Variants in HTR1E observed in about 807,000 individuals in gnomAD.
HTR1E encodes the protein 5-hydroxytryptamine receptor 1E.
HTR1E carries 3 observed loss-of-function variants against 3.4 expected under a neutral mutation model. The ratio of observed to expected loss-of-function variants is 0.89; its 90% CI spans 0.41 to 2.31. The LOEUF is 2.31. Among genes scored for constraint, HTR1E ranks in the 30% most tolerant of loss-of-function variants. The pLI, the probability that HTR1E is intolerant of heterozygous loss-of-function variation, is 0.05. For synonymous variants in HTR1E, 170 were observed against 182.8 expected (o/e 0.93, Z 0.56); for missense variants, 392 against 467.0 (o/e 0.84, Z 1.48).
At chr6:86,994,035 C>T (rs1019742794) in intron 1 of HTR1E, among the ~76,000 whole-genome samples, 3 of 151,902 alleles carry the variant, frequency 2.0e-5, no homozygotes, top group African/African-American at 7.3e-5. Flanking sequence ...GCATGGAAAA[C>T]AGAGGAAAAG....
intron 1 of HTR1E, among the ~76,000 whole-genome samples, chr6:87,008,031 A>G (rs576004674): frequency 2.6e-5 from 4 of 152,236 alleles, no homozygotes; most frequent in Non-Finnish European, 4.4e-5. Context: ...ACATTGTGAC[A>G]ACAAAAGACT....
chr6:87,001,009 C>T (rs752384707), intron 1 of HTR1E, among the ~76,000 whole-genome samples: 2 of 152,074 alleles, frequency 1.3e-5, no homozygotes, highest in Admixed American at 6.6e-5. Flanking sequence ...ATAAAGCTAA[C>T]GTGTAGCATT....
At chr6:86,945,084 T>C (rs753338014) in intron 1 of HTR1E, among the ~76,000 whole-genome samples, 2 of 151,958 alleles carry the variant, frequency 1.3e-5, no homozygotes, top group Non-Finnish European at 2.9e-5. Flanking sequence ...TCAGAAGGTA[T>C]CCCAGAAAAC....
intron 1 of HTR1E, among the ~76,000 whole-genome samples, chr6:86,996,611 G>A (rs1197641346): frequency 6.6e-6 from 1 of 151,786 alleles, no homozygotes; most frequent in Non-Finnish European, 1.5e-5. Context: ...AGAGATAAGA[G>A]AATACTAAGG....
At chr6:87,005,177 G>A (rs1235827873) in intron 1 of HTR1E, among the ~76,000 whole-genome samples, 1 of 152,006 alleles carries the variant, frequency 6.6e-6, no homozygotes, top group Admixed American at 6.6e-5. Context: ...AGCAATCTAT[G>A]GCTATAAGGC....
intron 1 of HTR1E, among the ~76,000 whole-genome samples, chr6:86,968,494 T>C (rs778008734): frequency 1.3e-5 from 2 of 152,240 alleles, no homozygotes; most frequent in Non-Finnish European, 1.5e-5. Flanking sequence ...AAATTTGAGA[T>C]ATTTCATAAT....
chr6:86,938,688 T>C (rs542497864), intron 1 of HTR1E, among the ~76,000 whole-genome samples: 24 of 152,308 alleles, frequency 1.6e-4, no homozygotes, highest in Non-Finnish European at 2.6e-4. Flanking sequence ...CCTTTCTTAT[T>C]GTCCTTCCTT....
chr6:87,003,723 A>T (rs1363321219), intron 1 of HTR1E, among the ~76,000 whole-genome samples: 1 of 152,144 alleles, frequency 6.6e-6, no homozygotes, highest in Non-Finnish European at 1.5e-5. Flanking sequence ...GAAAAGCAAA[A>T]GCAAACCAAA....
intron 1 of HTR1E, among the ~76,000 whole-genome samples, chr6:86,997,050 G>A (rs1314633214): frequency 2.0e-5 from 3 of 151,900 alleles, no homozygotes; most frequent in African/African-American, 7.2e-5. Context: ...GAAATGCAAG[G>A]CTGTATAATC....
At chr6:86,940,106 G>A (rs1319073998) in intron 1 of HTR1E, among the ~76,000 whole-genome samples, 2 of 152,120 alleles carry the variant, frequency 1.3e-5, no homozygotes, top group East Asian at 1.9e-4. Context: ...GCTGCGTGAT[G>A]GGGTTATTAT....
chr6:86,996,797 G>A (rs1264889561), intron 1 of HTR1E, among the ~76,000 whole-genome samples: 1 of 151,848 alleles, frequency 6.6e-6, no homozygotes, highest in Non-Finnish European at 1.5e-5. Flanking sequence ...TGTTTCTCTA[G>A]AGAATTCTAT....
intron 1 of HTR1E, among the ~76,000 whole-genome samples, chr6:86,950,040 G>A (rs1482341579): frequency 6.6e-6 from 1 of 152,202 alleles, no homozygotes; most frequent in Non-Finnish European, 1.5e-5. Context: ...TGAAGACACA[G>A]CTGCATAGTG....
intron 1 of HTR1E, among the ~76,000 whole-genome samples, chr6:86,958,945 TG>T (rs1767363671): frequency 8.1e-6 from 1 of 124,140 alleles, no homozygotes; most frequent in South Asian, 2.3e-4. Context: ...CACGTGTGTG[TG>T]TGTGTGTGTG....
chr6:87,016,005 A>G lies in HTR1E; in HGVS notation c.671A>G (p.Asn224Ser), dbSNP rs1412700751. The change falls in exon 2 of 2, where the codon AAC becomes AGC. Residue 224 changes from asparagine (N) to serine (S), a missense_variant. Around this residue, in one of 3 missense-constraint regions of HTR1E, gnomAD observed 178 missense variants for 164.9 expected, o/e 1.08. Coordinates refer to ENST00000305344, the MANE Select transcript of HTR1E (RefSeq NM_000865.3). ...QKRGSSRHLS[N>S]RSTDSQNSFA... Reference sequence around the variant, plus strand: ...AGGGGATCAAGTCGGCACTTAAGCAACAGAAGCACAGATAGCCAGAATTCT... The same window carrying G: ...AGGGGATCAAGTCGGCACTTAAGCAGCAGAAGCACAGATAGCCAGAATTCT... 1.2e-6 allele frequency: 2 copies of G among 1,614,246 alleles called. No homozygotes were observed. The highest frequency in any genetic ancestry group is 2.2e-5 in the East Asian group (1 of 44,894).
intron 1 of HTR1E, among the ~76,000 whole-genome samples, chr6:87,004,854 C>A (rs1049305945): frequency 3.3e-5 from 5 of 151,954 alleles, no homozygotes; most frequent in African/African-American, 1.2e-4. Flanking sequence ...AATACTGCAC[C>A]AAAAAACTAT....
At chr6:86,940,497 C>T (rs1768531429) in intron 1 of HTR1E, among the ~76,000 whole-genome samples, 3 of 152,040 alleles carry the variant, frequency 2.0e-5, no homozygotes, top group Admixed American at 6.5e-5. Context: ...GTTTGTGCCA[C>T]GGCACTACAG....
intron 1 of HTR1E, among the ~76,000 whole-genome samples, chr6:86,956,853 G>A (rs1453659503): frequency 6.6e-6 from 1 of 152,184 alleles, no homozygotes; most frequent in African/African-American, 2.4e-5. Context: ...TTTTAAATAA[G>A]AACAACTCCA....
intron 1 of HTR1E, among the ~76,000 whole-genome samples, chr6:86,953,839 G>A (rs1033036028): frequency 4.6e-5 from 7 of 152,126 alleles, no homozygotes; most frequent in African/African-American, 1.7e-4. Flanking sequence ...CAGGAAACTT[G>A]CAATTATAGC....
chr6:86,977,905 GTTAT>G (rs1043527597), intron 1 of HTR1E, among the ~76,000 whole-genome samples: 26 of 152,116 alleles, frequency 1.7e-4, no homozygotes, highest in Admixed American at 1.4e-3. Context: ...TTTTAATGGG[GTTAT>G]TTGTTTTTTG....
Sources: allele counts gnomAD v4.1 joint callset (sites outside exome capture counted in the v4.1 genomes callset), GRCh38; gene constraint gnomAD v4.1.1; regional missense constraint gnomAD v4.1.1; transcripts MANE v1.5; gene names NCBI Gene and HGNC (gene_info 2026-07-23, HGNC 2026-07-21).